The following RPA3 variants were observed in gnomAD, a reference collection of about 807,000 sequenced individuals.
The protein encoded by RPA3 is replication protein A3.
Under a neutral mutation model 13.7 loss-of-function variants are expected in RPA3, and 24 were observed. The observed-to-expected ratio is 1.75, with a 90% CI of 1.27 to 2.46. The LOEUF (loss-of-function observed/expected upper bound fraction) is 2.46, where lower values mean the gene tolerates loss of function less well. RPA3 is among the 30% of genes most tolerant of loss of function. The pLI, the probability that RPA3 is intolerant of heterozygous loss-of-function variation, is 0.00. For missense variants in RPA3, 183 were observed against 151.0 expected (o/e 1.21, Z -1.11); for synonymous variants, 59 against 51.2 (o/e 1.15, Z -0.65).
At chr7:7,651,101 T>G (rs1480457250) in intron 4 of RPA3, among the ~76,000 whole-genome samples, 1 of 152,072 alleles carries the variant, frequency 6.6e-6, no homozygotes, top group Non-Finnish European at 1.5e-5. Flanking sequence ...ATATAGCAAA[T>G]CAGACATTCA....
chr7:7,663,272 A>G (rs1785521481), intron 4 of RPA3, among the ~76,000 whole-genome samples: 1 of 126,424 alleles, frequency 7.9e-6, no homozygotes, highest in Non-Finnish European at 1.7e-5. Flanking sequence ...CCTAAATCTA[A>G]GATAGTTTTT....
At chr7:7,659,857 G>GTT (rs1785431749) in intron 4 of RPA3, among the ~76,000 whole-genome samples, 2 of 152,130 alleles carry the variant, frequency 1.3e-5, no homozygotes, top group Admixed American at 1.3e-4. Context: ...GAATATCCTT[G>GTT]TTAATTTTCT....
chr7:7,663,163 T>C (rs1490405592), intron 4 of RPA3, among the ~76,000 whole-genome samples: 5 of 138,006 alleles, frequency 3.6e-5, no homozygotes, highest in Admixed American at 3.3e-4. Flanking sequence ...ACTTTTTTTT[T>C]CTTCCTATTT....
intron 2 of RPA3, among the ~76,000 whole-genome samples, chr7:7,709,989 T>C (rs1780711752): frequency 6.6e-6 from 1 of 152,170 alleles, no homozygotes; most frequent in African/African-American, 2.4e-5. Flanking sequence ...ATTTTTCATA[T>C]GTGTAGTTTT....
rs58330639 is a variant in RPA3, at chr7:7,689,745, T to C, written c.-1027-2417A>G. ...TTGGAAATAGTCTGGAGTTCAATTT[T>C]AAATGAAATTAATAGATTGTCAGAG... On this transcript the variant is annotated intron_variant, in intron 2 of 7. Transcript: ENST00000223129. 3.4e-3 allele frequency among the ~76,000 whole-genome samples: 517 copies of C among 152,296 alleles called. 2 individuals carry two copies. Among genetic ancestry groups the C allele is most frequent in the African/African-American group, 0.012 (496 of 41,582 alleles).
At chr7:7,710,432 A>G (rs1307264913) in intron 2 of RPA3, among the ~76,000 whole-genome samples, 1 of 152,214 alleles carries the variant, frequency 6.6e-6, no homozygotes, top group Non-Finnish European at 1.5e-5. Context: ...ATTTCACTGA[A>G]GAGGATATAC....
intron 2 of RPA3, among the ~76,000 whole-genome samples, chr7:7,711,059 T>G (rs1780750221): frequency 6.6e-6 from 1 of 152,132 alleles, no homozygotes; most frequent in African/African-American, 2.4e-5. Context: ...TAGAGGCAAG[T>G]GTGTGTGGCT....
intron 4 of RPA3, among the ~76,000 whole-genome samples, chr7:7,651,488 C>G (rs573727117): frequency 6.6e-6 from 1 of 152,190 alleles, no homozygotes; most frequent in Non-Finnish European, 1.5e-5. Flanking sequence ...CCTCTTCTGT[C>G]TCGTATTTTC....
At chr7:7,699,248 A>G (rs1278629341) in intron 2 of RPA3, among the ~76,000 whole-genome samples, 1 of 152,158 alleles carries the variant, frequency 6.6e-6, no homozygotes, top group Non-Finnish European at 1.5e-5. Flanking sequence ...CCTTCTTATC[A>G]GACTCATTTT....
chr7:7,675,439 T>C (rs1779715123), intron 4 of RPA3, among the ~76,000 whole-genome samples: 2 of 152,152 alleles, frequency 1.3e-5, no homozygotes, highest in African/African-American at 2.4e-5. Context: ...AGACATTCCA[T>C]TGCATGTCTT....
chr7:7,640,637 G>A lies in RPA3; in HGVS notation c.-219C>T. On this transcript the variant is annotated 5_prime_UTR_variant, in exon 5 of 8. Transcript: ENST00000223129. ...TCCGGAAGTGGAGATTGGCTGCTTA[G>A]TGACGCGCGGCGTCCCGGAAGTTGA... is the stretch of plus-strand genomic sequence containing the variant. 1 of 553,870 alleles carries A rather than the reference G, an allele frequency of 1.8e-6. No homozygotes were observed. The highest frequency in any genetic ancestry group is 3.2e-6 in the Non-Finnish European group (1 of 311,114). The allele number at this position is 553,870 out of a possible 1,614,324, so 34.3% of individuals were successfully genotyped here.
At chr7:7,647,323 C>G (rs1282639129) in intron 4 of RPA3, among the ~76,000 whole-genome samples, 2 of 152,076 alleles carry the variant, frequency 1.3e-5, no homozygotes, top group African/African-American at 2.4e-5. Context: ...GCATTATAAT[C>G]TGAGGGTATG....
intron 2 of RPA3, among the ~76,000 whole-genome samples, chr7:7,694,478 G>C (rs1344026844): frequency 6.6e-6 from 1 of 151,988 alleles, no homozygotes; most frequent in Non-Finnish European, 1.5e-5. Flanking sequence ...CTTACTTATT[G>C]TATCAAACTA....
At chr7:7,702,999 G>A (rs117584436) in intron 2 of RPA3, among the ~76,000 whole-genome samples, 1,528 of 152,272 alleles carry the variant, frequency 0.01, 11 homozygotes, top group Non-Finnish European at 0.017. Context: ...GAAGCCATGC[G>A]AGCAGGCAGA....
rs114051807 is a variant in RPA3 at position 7,712,874 on chromosome 7, G to A, written c.-1028+2301C>T. On this transcript the variant is annotated intron_variant, in intron 2 of 7. Transcript: ENST00000223129. ...AGAAACATAATAGGCATAGAGTGTT[G>A]TTAGAATTGGTATAAGATTTGATTT... Among the ~76,000 whole-genome samples, 288 of 152,256 alleles carry A rather than the reference G, an allele frequency of 1.9e-3. 3 individuals carry two copies. The highest frequency in any genetic ancestry group is 6.8e-3 in the African/African-American group (281 of 41,562).
chr7:7,640,088 G>A (rs906886394), intron 5 of RPA3: 1 of 551,456 alleles, frequency 1.8e-6, no homozygotes, highest in Non-Finnish European at 3.2e-6. Context: ...GGAGGCGACG[G>A]GCACTGGAAT....
At chr7:7,693,331 C>CTATCTATG (rs1780225282) in intron 2 of RPA3, among the ~76,000 whole-genome samples, 2 of 151,202 alleles carry the variant, frequency 1.3e-5, no homozygotes, top group South Asian at 4.1e-4. Context: ...ATCTATCTAT[C>CTATCTATG]TATCTACATT....
chr7:7,650,347 A>T (rs1393263806), intron 4 of RPA3, among the ~76,000 whole-genome samples: 1 of 152,154 alleles, frequency 6.6e-6, no homozygotes, highest in East Asian at 1.9e-4. Flanking sequence ...TGTTTATTTC[A>T]TTCGAGTTCT....
chr7:7,690,665 C>T (rs886678987), intron 2 of RPA3, among the ~76,000 whole-genome samples: 2 of 152,054 alleles, frequency 1.3e-5, no homozygotes, highest in Admixed American at 6.6e-5. Context: ...ATTGAGAATA[C>T]TTTAATATAT....
Sources: gnomAD v4.1 joint callset for allele counts (sites outside exome capture counted in the v4.1 genomes callset) on GRCh38, gnomAD v4.1.1 for gene constraint, MANE v1.5 for transcripts, NCBI Gene and HGNC (gene_info 2026-07-23, HGNC 2026-07-21) for gene names.